Variants in TAF1C observed in about 807,000 individuals in gnomAD.
TAF1C encodes the protein TATA box-binding protein-associated factor RNA polymerase I subunit C.
A neutral mutation model predicts 70.5 loss-of-function variants in TAF1C; 79 were observed. That is an observed-to-expected ratio of 1.12 (90% CI 0.93 to 1.35). The LOEUF (loss-of-function observed/expected upper bound fraction) is 1.35. TAF1C is among the 40% of genes most tolerant of loss of function. TAF1C has a pLI of 0.00. For synonymous variants in TAF1C, 614 were observed against 491.1 expected (o/e 1.25, Z -3.31); for missense variants, 1,412 against 1,127.8 (o/e 1.25, Z -3.61).
rs368431160 is a variant in TAF1C, at chr16:84,181,483, C to T, written c.1029-20G>A. The T allele has an allele frequency of 1.7e-4, 268 of 1,613,534 alleles. No homozygotes were observed. Among genetic ancestry groups the T allele is most frequent in the Non-Finnish European group, 2.1e-4 (246 of 1,179,940 alleles). ...CGCAGCCTTGGGGAGACAGGCAAGC[C>T]GTGGGCAGGGGGACAGGCTGATGGG... On this transcript the variant is annotated intron_variant, in intron 10 of 14. Transcript: ENST00000566732.
intron 12 of TAF1C, chr16:84,180,661 G>T: frequency 1.4e-6 from 1 of 704,292 alleles, no homozygotes; most frequent in Non-Finnish European, 2.1e-6. Context: ...TGACCCGGGA[G>T]CCTGTGCTCG....
chr16:84,183,655 G>A lies in TAF1C; in HGVS notation c.220+42C>T, dbSNP rs777006089. On this transcript the variant is annotated intron_variant, in intron 3 of 14. Coordinates refer to ENST00000566732, the MANE Select transcript of TAF1C (RefSeq NM_001243156.2). The stretch of plus-strand genomic sequence containing the variant: ...GGAGCGGGAGCAGTGGGAAGAATAG[G>A]TGGAGCAGTGTGGAGTGAGCCCGGG... The A allele has an allele frequency of 8.2e-6, 13 of 1,578,808 alleles. No individual in the cohort carries two copies. In the Admixed American group the frequency reaches 1.9e-4, roughly 23 times the overall value.
At chr16:84,180,549 G>T (rs1468538519) in intron 12 of TAF1C, 1 of 620,378 alleles carries the variant, frequency 1.6e-6, no homozygotes. Context: ...CGACAGTCCG[G>T]TGGACAGACA....
chr16:84,179,181 G>GGGGGGC lies in TAF1C; in HGVS notation c.2286_2291dup (p.Pro763_Pro764dup). On this transcript the variant is annotated inframe_insertion, in exon 15 of 15. Coordinates refer to ENST00000566732, the MANE Select transcript of TAF1C (RefSeq NM_001243156.2). ...TCAACTCCTGGGAGGGCGGGGTCGT[G>GGGGGGC]GGGGGCAGGGGCAGAGCATCAGCAG... is the stretch of plus-strand genomic sequence containing the variant. 6.3e-7 allele frequency: 1 copy of GGGGGGC among 1,592,190 alleles called. No homozygotes were observed. Among genetic ancestry groups the GGGGGGC allele is most frequent in the South Asian group, 1.1e-5 (1 of 89,614 alleles).
Position 84,181,115 on chromosome 16 carries a change from G to T in TAF1C, c.1236C>A (p.Val412=), listed in dbSNP as rs2089157560. ...AEASCQKGER[V]LLTQYLGHSS... ...AGTGCCCCAGGTACTGGGTAAGCAG[G>T]ACACGTTCCCCTTTCTGGCACGAAG... The change falls in exon 12 of 15, where the codon GTC becomes GTA. Residue 412 remains valine, a synonymous_variant. Transcript: ENST00000566732. 7 of 1,613,316 alleles carry T rather than the reference G, an allele frequency of 4.3e-6. No individual in the cohort carries two copies. The highest frequency in any genetic ancestry group is 4.2e-6 in the Non-Finnish European group (5 of 1,179,408).
rs903477770 is a variant in TAF1C at position 84,187,033 on chromosome 16, T to A, written c.-205A>T. ...CGGGACGGGTCAGCCCCGCCGCAGC[T>A]ACCCACGGTCTTCCGGTTTGGACCG... On this transcript the variant is annotated 5_prime_UTR_variant, in exon 1 of 15. Coordinates refer to ENST00000566732, the MANE Select transcript of TAF1C (RefSeq NM_001243156.2). 6.6e-6 allele frequency: 1 copy of A among 152,158 alleles called. No homozygotes were observed. 9.4% of individuals were successfully genotyped at this position (152,158 alleles called of 1,614,324 possible).
rs1348757670 is a variant in TAF1C, at chr16:84,181,604, C to T, written c.1016G>A (p.Ser339Asn). Residue 339 changes from serine to asparagine, a missense_variant, in exon 10 of 15, where the codon AGC becomes AAC. By Grantham distance (46) the Ser-to-Asn change is conservative. Coordinates refer to ENST00000566732, the MANE Select transcript of TAF1C (RefSeq NM_001243156.2). ...GAAGCGGCGATACCCATCCTCAGGG[C>T]TCCACAGGCAGACGGCTCCCGAGCG... ...CSRSGAVCLW[S>N]PEDGLRQIYR... is the part of the protein sequence containing the mutation. The T allele has an allele frequency of 1.2e-6, 2 of 1,613,866 alleles. No individual in the cohort carries two copies. Among genetic ancestry groups the T allele is most frequent in the African/African-American group, 1.3e-5 (1 of 74,916 alleles).
Position 84,181,198 on chromosome 16 carries a change from A to T in TAF1C, c.1165-12T>A. 5 of 1,600,478 alleles carry T rather than the reference A, an allele frequency of 3.1e-6. No individual in the cohort carries two copies. The highest frequency in any genetic ancestry group is 3.4e-6 in the Non-Finnish European group (4 of 1,169,618). On this transcript the variant is annotated splice_polypyrimidine_tract_variant and intron_variant, in intron 11 of 14. Coordinates refer to ENST00000566732, the MANE Select transcript of TAF1C (RefSeq NM_001243156.2). ...CAGCCCGGCGGGCCCTGGAAGATAA[A>T]CACAGGGTCAGCCCTCCCCACAGTC... is the stretch of plus-strand genomic sequence containing the variant.
At position 84,183,085 on chromosome 16, in the gene TAF1C, T is replaced by C. The variant is rs530114637; in HGVS notation, c.473A>G (p.Gln158Arg). The change falls in exon 6 of 15, where the codon CAG (glutamine) becomes CGG (arginine). Residue 158 changes from glutamine to arginine, a missense_variant. Physicochemically the swap from Gln to Arg is conservative, Grantham distance 43. Transcript: ENST00000566732. ...KKLLQDLGGH[Q>R]PWGCPWAYLS... The stretch of plus-strand genomic sequence containing the variant: ...CTCATCAGCCACTTGCCCCCAGGGC[T>C]GGTGTCCACCGAGGTCCTGGAGCAG... The C allele has an allele frequency of 3.1e-6, 5 of 1,614,150 alleles. No individual in the cohort carries two copies. The South Asian group carries it at 5.5e-5, about 18-fold the overall frequency.
intron 12 of TAF1C, 106 bp downstream of exon 12, chr16:84,180,937 G>A: frequency 6.9e-7 from 1 of 1,458,774 alleles, no homozygotes; most frequent in Non-Finnish European, 9.1e-7. Flanking sequence ...AGTTTGGTTT[G>A]CTGGGTGGTT....
Position 84,183,157 on chromosome 16 carries a change from G to C in TAF1C, c.409-8C>G. 1 of 1,613,992 alleles carries C rather than the reference G, an allele frequency of 6.2e-7. No homozygotes were observed. Among genetic ancestry groups the C allele is most frequent in the Non-Finnish European group, 8.5e-7 (1 of 1,180,028 alleles). ...CTTCTTCTTAGTGCGGCTCTGCATG[G>C]AAAGGCCTTGTCAGGCTCACACACC... On this transcript the variant is annotated splice_region_variant and splice_polypyrimidine_tract_variant and intron_variant, in intron 5 of 14. Transcript: ENST00000566732.
chr16:84,180,732 C>A (rs4150159), intron 12 of TAF1C: 118,577 of 1,158,444 alleles, frequency 0.1, 7,628 homozygotes, highest in African/African-American at 0.26. Flanking sequence ...TCCTCAGAGC[C>A]CCCGCCTCCT....
At chr16:84,183,545 AG>A (rs2089322920) in intron 3 of TAF1C, 38 bp from the exon 4 acceptor site, 1 of 1,582,860 alleles carries the variant, frequency 6.3e-7, no homozygotes, top group Admixed American at 1.7e-5. Context: ...GGGAGGGCAC[AG>A]GAGTGCGGCC....
rs748297838 is a variant in TAF1C at position 84,178,976 on chromosome 16, G to C, written c.2497C>G (p.Gln833Glu). The change falls in exon 15 of 15, where the codon CAG becomes GAG. Residue 833 changes from glutamine (Q) to glutamate (E), a missense_variant. Transcript: ENST00000566732. ...ATTCGAGGCTTCTTCCGGAGGGGCT[G>C]AGAGCTAGAGAGGACGGGTGTGTGC... The part of the protein sequence containing the change: ...QQHTPVLSSS[Q>E]PLRKKPRMGF The C allele has an allele frequency of 6.2e-7, 1 of 1,610,702 alleles. No homozygotes were observed. The highest frequency in any genetic ancestry group is 1.1e-5 in the South Asian group (1 of 91,030).
At chr16:84,183,912 G>T in intron 2 of TAF1C, 134 bp from the exon 3 acceptor site, 1 of 633,836 alleles carries the variant, frequency 1.6e-6, no homozygotes. Flanking sequence ...GACTGGCATT[G>T]TCATTTTACT....
chr16:84,182,905 TC>T lies in TAF1C; in HGVS notation c.482+170del, dbSNP rs2089283311. 6.6e-6 allele frequency among the ~76,000 whole-genome samples: 1 copy of T among 152,210 alleles called. No individual in the cohort carries two copies. Among genetic ancestry groups the T allele is most frequent in the South Asian group, 2.1e-4 (1 of 4,830 alleles). ...GAACTCCACAAATGTAAATCTGCTTTCCCCTGAGATGATTTGGAGTTGGAAG... is the reference window on the plus strand; with the variant it reads ...GAACTCCACAAATGTAAATCTGCTTTCCCTGAGATGATTTGGAGTTGGAAG... On this transcript the variant is annotated intron_variant, in intron 6 of 14. Coordinates refer to ENST00000566732, the MANE Select transcript of TAF1C (RefSeq NM_001243156.2). The surrounding 1 kb of genome is among the most constrained non-coding windows in gnomAD (Gnocchi z 5.0).
intron 14 of TAF1C, 40 bp from the exon 15 acceptor site, chr16:84,179,891 G>A: frequency 1.2e-6 from 2 of 1,609,382 alleles, no homozygotes; most frequent in Non-Finnish European, 8.5e-7. Flanking sequence ...GGCCTAGCGG[G>A]GGGAGGGGAT....
chr16:84,180,067 C>G lies in TAF1C; in HGVS notation c.1500G>C (p.Val500=). 2 of 1,599,312 alleles carry G rather than the reference C, an allele frequency of 1.3e-6. No homozygotes were observed. Among genetic ancestry groups the G allele is most frequent in the Non-Finnish European group, 1.7e-6 (2 of 1,173,906 alleles). ...LLHLAGEGAS[V]PRLAGPPQSL... ...ACTGGGGGGGGCCTGCCAGGCGGGG[C>G]ACCGACGCCCCTTCTCCTGAGGAAG... Residue 500 remains valine (V), a synonymous_variant, in exon 14 of 15, where the codon GTG becomes GTC. Coordinates refer to ENST00000566732, the MANE Select transcript of TAF1C (RefSeq NM_001243156.2).
Position 84,179,431 on chromosome 16 carries a change from G to A in TAF1C, c.2042C>T (p.Pro681Leu), listed in dbSNP as rs2088964365. The A allele has an allele frequency of 6.3e-7, 1 of 1,597,026 alleles. No individual in the cohort carries two copies. The highest frequency in any genetic ancestry group is 2.2e-5 in the East Asian group (1 of 44,754). The change falls in exon 15 of 15, where the codon CCT becomes CTT. Residue 681 changes from proline to leucine, a missense_variant. Physicochemically the swap from Pro to Leu is moderately conservative, Grantham distance 98 (BLOSUM62 -3). Transcript: ENST00000566732. ...GTCCTCTAGGCCTGACTCGGGTGCA[G>A]GGGGTGGCTCTGCCGCAGGGAGGGA... is the stretch of plus-strand genomic sequence containing the variant. ...LGSLPAAEPPPAPESGLEDKL... is the reference protein window; with the variant it reads ...LGSLPAAEPPLAPESGLEDKL...
Sources: gnomAD v4.1 joint callset for allele counts (sites outside exome capture counted in the v4.1 genomes callset) on GRCh38, gnomAD v4.1.1 for gene constraint, Gnocchi (gnomAD v3.1) non-coding constraint, MANE v1.5 for transcripts, NCBI Gene and HGNC (gene_info 2026-07-23, HGNC 2026-07-21) for gene names.